The following LRRTM4 variants were observed in gnomAD, a reference collection of about 807,000 sequenced individuals.
LRRTM4 encodes the protein leucine-rich repeat transmembrane neuronal protein 4.
Under a neutral mutation model 47.6 loss-of-function variants are expected in LRRTM4, and 25 were observed. That is an observed-to-expected ratio of 0.53 (90% CI 0.38 to 0.73). The LOEUF (loss-of-function observed/expected upper bound fraction) is 0.73. LRRTM4 is among the 30% of genes least tolerant of loss of function. The pLI is 0.00. For synonymous variants in LRRTM4, 311 were observed against 269.5 expected, an observed-to-expected ratio of 1.15 and a Z score of -1.51; for missense variants, 638 against 713.4, an observed-to-expected ratio of 0.89 and a Z score of 1.20.
chr2:77,012,761 C>A, intron 3 of LRRTM4, among the ~76,000 whole-genome samples: 1 of 152,054 alleles, frequency 6.6e-6, no homozygotes, highest in East Asian at 1.9e-4. Flanking sequence ...AACTAACACA[C>A]AATATAACTG....
At chr2:76,939,972 C>A (rs78913775) in intron 3 of LRRTM4, among the ~76,000 whole-genome samples, 8,779 of 151,772 alleles carry the variant, frequency 0.058, 597 homozygotes, top group African/African-American at 0.15. Context: ...ATATTCTTTT[C>A]TTTTATTCAA....
At chr2:76,974,415 C>T (rs1170931753) in intron 3 of LRRTM4, among the ~76,000 whole-genome samples, 1 of 150,602 alleles carries the variant, frequency 6.6e-6, no homozygotes, top group Non-Finnish European at 1.5e-5. Context: ...AGGTTTGAAA[C>T]TATGCACTGA....
chr2:77,119,212 C>G (rs1671464194), intron 3 of LRRTM4, among the ~76,000 whole-genome samples: 1 of 151,818 alleles, frequency 6.6e-6, no homozygotes, highest in Non-Finnish European at 1.5e-5. Flanking sequence ...CTCTAACTTC[C>G]ATCTTCTCTT....
intron 3 of LRRTM4, among the ~76,000 whole-genome samples, chr2:77,477,090 G>A (rs558432987): frequency 6.6e-6 from 1 of 152,142 alleles, no homozygotes; most frequent in Admixed American, 6.6e-5. Context: ...AAGGAGGAAT[G>A]TGGCTGAGAG....
chr2:77,021,596 AC>A (rs888776604), intron 3 of LRRTM4, among the ~76,000 whole-genome samples: 4 of 152,184 alleles, frequency 2.6e-5, no homozygotes, highest in Non-Finnish European at 4.4e-5. Flanking sequence ...TATGTGAAAG[AC>A]CACATAGAGA....
chr2:76,824,966 G>T (rs571295468), intron 3 of LRRTM4, among the ~76,000 whole-genome samples: 1 of 151,546 alleles, frequency 6.6e-6, no homozygotes, highest in East Asian at 1.9e-4. Flanking sequence ...TTCCAATTGG[G>T]GTACTGCTTA....
intron 3 of LRRTM4, among the ~76,000 whole-genome samples, chr2:77,309,684 TA>T (rs890257372): frequency 4.2e-3 from 12 of 2,868 alleles, no homozygotes; most frequent in Non-Finnish European, 8.0e-3. Context: ...AGACAGATGA[TA>T]GATAGATAGA....
Position 77,013,232 on chromosome 2 carries a change from C to CA in LRRTM4, c.1552-264317dup, listed in dbSNP as rs146021325. On this transcript the variant is annotated intron_variant, in intron 3 of 3. Coordinates refer to ENST00000409884, the MANE Select transcript of LRRTM4 (RefSeq NM_001134745.3). ...GGTAGAAGCAAAGAGCAGGAGAAGG[C>CA]ATGTGCCTTGATTCCAGTTTGTTTT... 2.1e-3 allele frequency among the ~76,000 whole-genome samples: 327 copies of CA among 152,288 alleles called. 1 individual carries two copies. Among genetic ancestry groups the CA allele is most frequent in the African/African-American group, 7.6e-3 (316 of 41,554 alleles).
chr2:77,284,582 A>G (rs1676598867), intron 3 of LRRTM4, among the ~76,000 whole-genome samples: 1 of 152,092 alleles, frequency 6.6e-6, no homozygotes, highest in Non-Finnish European at 1.5e-5. Flanking sequence ...AATTTCTAGT[A>G]TTTCCCAGTC....
chr2:76,748,700 T>C lies in LRRTM4; in HGVS notation c.1768A>G (p.Asn590Asp), dbSNP rs1364691349. Residue 590 changes from asparagine to aspartate, a missense_variant, in exon 4 of 4, where the codon AAC (asparagine) becomes GAC (aspartate). By Grantham distance (23) the Asn-to-Asp change is conservative. Coordinates refer to ENST00000409884, the MANE Select transcript of LRRTM4 (RefSeq NM_001134745.3). ...APAIYLERIA[N>D] ...GTGAGGAGTTGGCTTCAGCGTTAGT[T>C]TGCAATTCTCTCTAGGTAGATGGCC... The C allele has an allele frequency of 1.9e-6, 3 of 1,612,728 alleles. No individual in the cohort carries two copies. The highest frequency in any genetic ancestry group is 2.5e-6 in the Non-Finnish European group (3 of 1,179,722).
At chr2:77,468,083 T>C (rs1020776421) in intron 3 of LRRTM4, among the ~76,000 whole-genome samples, 4 of 152,168 alleles carry the variant, frequency 2.6e-5, no homozygotes, top group Non-Finnish European at 5.9e-5. Flanking sequence ...CTGTTACAAA[T>C]ATCCATCATG....
intron 3 of LRRTM4, among the ~76,000 whole-genome samples, chr2:77,222,558 A>G (rs532765157): frequency 5.9e-5 from 9 of 152,350 alleles, no homozygotes; most frequent in African/African-American, 2.2e-4. Context: ...ACAAACTATC[A>G]TCAGAGAATA....
intron 3 of LRRTM4, among the ~76,000 whole-genome samples, chr2:76,861,556 C>T (rs1672313236): frequency 6.6e-6 from 1 of 152,166 alleles, no homozygotes; most frequent in Non-Finnish European, 1.5e-5. Flanking sequence ...CAGCCATACT[C>T]TCTGTCCTTT....
At chr2:76,923,939 G>A (rs1336781552) in intron 3 of LRRTM4, among the ~76,000 whole-genome samples, 1 of 151,964 alleles carries the variant, frequency 6.6e-6, no homozygotes, top group African/African-American at 2.4e-5. Flanking sequence ...TATATATGAG[G>A]CATCCTCAAT....
intron 3 of LRRTM4, among the ~76,000 whole-genome samples, chr2:77,002,583 C>T (rs1677474312): frequency 6.6e-6 from 1 of 152,092 alleles, no homozygotes; most frequent in Admixed American, 6.6e-5. Context: ...TCATAGAAGC[C>T]AGAGCATTCT....
intron 3 of LRRTM4, among the ~76,000 whole-genome samples, chr2:77,011,002 A>G (rs1677850390): frequency 6.6e-6 from 1 of 152,136 alleles, no homozygotes; most frequent in Admixed American, 6.6e-5. Context: ...TATAGGAGAC[A>G]GGAGATATTA....
At chr2:77,111,283 A>ATTTTTTTTTTTTTTT (rs71381260) in intron 3 of LRRTM4, among the ~76,000 whole-genome samples, 2 of 113,166 alleles carry the variant, frequency 1.8e-5, no homozygotes, top group African/African-American at 3.6e-5. Flanking sequence ...ACACCTGGCT[A>ATTTTTTTTTTTTTTT]TTTTTTTTTT....
At chr2:77,274,484 C>T (rs1043379290) in intron 3 of LRRTM4, among the ~76,000 whole-genome samples, 4 of 152,026 alleles carry the variant, frequency 2.6e-5, no homozygotes, top group Non-Finnish European at 5.9e-5. Context: ...GATATGCTTC[C>T]AATGTCATAT....
At chr2:76,843,908 C>CTTTTTTTTTTTTTTTTT (rs538704879) in intron 3 of LRRTM4, among the ~76,000 whole-genome samples, 1 of 145,374 alleles carries the variant, frequency 6.9e-6, no homozygotes. Flanking sequence ...TTTCTTTTTT[C>CTTTTTTTTTTTTTTTTT]ATTTTTTTTT....
Sources: gnomAD v4.1 joint callset for allele counts (sites outside exome capture counted in the v4.1 genomes callset) on GRCh38, gnomAD v4.1.1 for gene constraint, MANE v1.5 for transcripts, NCBI Gene and HGNC (gene_info 2026-07-23, HGNC 2026-07-21) for gene names.